Variants in CACNA1C observed in about 807,000 individuals in gnomAD.
The protein encoded by CACNA1C is calcium voltage-gated channel subunit alpha1 C.
A neutral mutation model predicts 229.0 loss-of-function variants in CACNA1C; 30 were observed. The ratio of observed to expected loss-of-function variants is 0.13; its 90% CI spans 0.10 to 0.18. CACNA1C has a LOEUF of 0.18. Ranked by LOEUF, CACNA1C falls within the 10% of genes least tolerant of loss-of-function variation. CACNA1C has a pLI of 1.00. For missense variants in CACNA1C, 1,658 were observed against 2,845.0 expected (o/e 0.58, Z 9.49); for synonymous variants, 1,114 against 1,132.5 (o/e 0.98, Z 0.33).
At chr12:2,071,967 A>C (rs149137637) in intron 1 of CACNA1C, among the ~76,000 whole-genome samples, 8 of 152,304 alleles carry the variant, frequency 5.3e-5, no homozygotes, top group African/African-American at 1.7e-4. Context: ...TCCACTAATA[A>C]TACTTTACTA....
intron 3 of CACNA1C, among the ~76,000 whole-genome samples, chr12:2,278,596 C>G (rs2154432183): frequency 6.6e-6 from 1 of 152,236 alleles, no homozygotes; most frequent in East Asian, 1.9e-4. Flanking sequence ...CTTTTTATTG[C>G]TTAGTTGTGT....
intron 9 of CACNA1C, among the ~76,000 whole-genome samples, chr12:2,529,476 C>G (rs1041400037): frequency 4.6e-5 from 7 of 152,166 alleles, no homozygotes; most frequent in African/African-American, 1.4e-4. Context: ...GGTGCATAGG[C>G]AATCAATGAA....
chr12:2,188,880 C>G (rs796729646), intron 3 of CACNA1C, among the ~76,000 whole-genome samples: 2 of 152,130 alleles, frequency 1.3e-5, no homozygotes, highest in African/African-American at 4.8e-5. Flanking sequence ...ATCACGAGGT[C>G]AGGAGATCAA....
chr12:2,509,429 A>G (rs2099778659), intron 8 of CACNA1C, among the ~76,000 whole-genome samples: 1 of 152,192 alleles, frequency 6.6e-6, no homozygotes, highest in Admixed American at 6.5e-5. Context: ...GTCCTGAGGA[A>G]CTACAGAGTT....
rs2097692519 is a variant in CACNA1C, at chr12:2,689,371, C to A, written c.6117+592C>A. 6.6e-6 allele frequency among the ~76,000 whole-genome samples: 1 copy of A among 151,954 alleles called. No homozygotes were observed. The highest frequency in any genetic ancestry group is 2.4e-5 in the African/African-American group (1 of 41,370). On this transcript the variant is annotated intron_variant, in intron 46 of 46. Coordinates refer to ENST00000399655, the MANE Select transcript of CACNA1C (RefSeq NM_000719.7). This position sits in a 1 kb window ranked among gnomAD's most constrained non-coding sequence, Gnocchi z 4.2. ...ATGGCAAGGTTCCTAGAAACCATTT[C>A]CTAGGAGAACCGTTTCAGGGAATTC...
intron 3 of CACNA1C, among the ~76,000 whole-genome samples, chr12:2,398,289 G>A (rs1436407046): frequency 6.6e-6 from 1 of 152,190 alleles, no homozygotes; most frequent in Non-Finnish European, 1.5e-5. Flanking sequence ...GAGCTACCAG[G>A]CCAAGAAAAT....
rs764170474 is a variant in CACNA1C at position 2,137,495 on chromosome 12, A to T, written c.477+17065A>T. On this transcript the variant is annotated intron_variant, in intron 3 of 46. Coordinates refer to ENST00000399655, the MANE Select transcript of CACNA1C (RefSeq NM_000719.7). Reference sequence around the variant, plus strand: ...TAGCTGCTTGGGAGGCTGAGACGGGAGGAGTGCTTCAACCCAGGAGTTCAA... The same window carrying T: ...TAGCTGCTTGGGAGGCTGAGACGGGTGGAGTGCTTCAACCCAGGAGTTCAA... 3.0e-4 allele frequency among the ~76,000 whole-genome samples: 46 copies of T among 151,080 alleles called. 1 individual carries two copies. The highest frequency in any genetic ancestry group is 6.8e-3 in the Middle Eastern group (2 of 294).
At chr12:2,625,652 C>T (rs1165692167) in intron 29 of CACNA1C, among the ~76,000 whole-genome samples, 1 of 152,100 alleles carries the variant, frequency 6.6e-6, no homozygotes, top group Non-Finnish European at 1.5e-5. Flanking sequence ...ATATCATTCT[C>T]ACAAAGCCCT....
At position 2,654,876 on chromosome 12, in the gene CACNA1C, C is replaced by T. The variant is rs576769367; in HGVS notation, c.4141-271C>T. 6.6e-6 allele frequency among the ~76,000 whole-genome samples: 1 copy of T among 152,316 alleles called. No homozygotes were observed. The highest frequency in any genetic ancestry group is 1.9e-4 in the East Asian group (1 of 5,166). ...GAAGCAGGATCCCGGTCCCAGCATCCACCGCTCTCAGCCCCAGCTCCCACT... is the reference window on the plus strand; with the variant it reads ...GAAGCAGGATCCCGGTCCCAGCATCTACCGCTCTCAGCCCCAGCTCCCACT... On this transcript the variant is annotated intron_variant, in intron 33 of 46. Coordinates refer to ENST00000399655, the MANE Select transcript of CACNA1C (RefSeq NM_000719.7). This position sits in a 1 kb window ranked among gnomAD's most constrained non-coding sequence, Gnocchi z 4.4.
intron 3 of CACNA1C, among the ~76,000 whole-genome samples, chr12:2,412,486 C>T (rs56144200): frequency 0.34 from 51,963 of 152,118 alleles, 9,273 homozygotes; most frequent in Admixed American, 0.47. Flanking sequence ...AGGAGCCCAG[C>T]AGTGAGACAG....
chr12:2,045,508 G>A (rs1242427826), intron 1 of CACNA1C, among the ~76,000 whole-genome samples: 4 of 152,202 alleles, frequency 2.6e-5, no homozygotes, highest in Admixed American at 2.6e-4. Flanking sequence ...ATAGCCGAGG[G>A]TGATTGACTG....
intron 3 of CACNA1C, among the ~76,000 whole-genome samples, chr12:2,329,589 C>T (rs866691594): frequency 6.6e-6 from 1 of 152,210 alleles, no homozygotes; most frequent in Non-Finnish European, 1.5e-5. Flanking sequence ...CTCTTCCAGT[C>T]TACCCCCCAA....
Position 2,215,524 on chromosome 12 carries a change from C to T in CACNA1C, c.477+95094C>T, listed in dbSNP as rs1217039630. 6.6e-6 allele frequency among the ~76,000 whole-genome samples: 1 copy of T among 152,202 alleles called. No individual in the cohort carries two copies. Among genetic ancestry groups the T allele is most frequent in the African/African-American group, 2.4e-5 (1 of 41,452 alleles). On this transcript the variant is annotated intron_variant, in intron 3 of 46. Transcript: ENST00000399655. The surrounding 1 kb of genome is among the most constrained non-coding windows in gnomAD (Gnocchi z 5.0). ...TCCTCCAGCTCATGCTCTGTCTTTC[C>T]TCAGAGCTCCTACCACAGTCCCTGT...
At position 2,682,571 on chromosome 12, in the gene CACNA1C, G is replaced by A; in HGVS notation, c.5466G>A (p.Gln1822=). Residue 1822 remains glutamine, a synonymous_variant, in exon 43 of 47, where the codon CAG becomes CAA. Coordinates refer to ENST00000399655, the MANE Select transcript of CACNA1C (RefSeq NM_000719.7). ...SSNRCHSRES[Q]AAMAGQEETS... ...GTAGGTGCCACTCCCGGGAGAGCCAGGCAGCCATGGCGGGTCAGGAGGAGA... is the reference window on the plus strand; with the variant it reads ...GTAGGTGCCACTCCCGGGAGAGCCAAGCAGCCATGGCGGGTCAGGAGGAGA... 1.9e-6 allele frequency: 3 copies of A among 1,612,804 alleles called. No individual in the cohort carries two copies. The highest frequency in any genetic ancestry group is 2.5e-6 in the Non-Finnish European group (3 of 1,179,556).
intron 3 of CACNA1C, among the ~76,000 whole-genome samples, chr12:2,330,324 C>T (rs1279373704): frequency 6.6e-6 from 1 of 152,156 alleles, no homozygotes; most frequent in Non-Finnish European, 1.5e-5. Context: ...AGGATCACCT[C>T]ATATTGCTAA....
At chr12:2,472,215 C>T (rs2154568000) in intron 5 of CACNA1C, among the ~76,000 whole-genome samples, 1 of 152,288 alleles carries the variant, frequency 6.6e-6, no homozygotes. Context: ...ACTCCATTCT[C>T]ACTCTTCTCT....
chr12:2,021,076 C>T (rs1211158250), intron 1 of CACNA1C, among the ~76,000 whole-genome samples: 2 of 152,200 alleles, frequency 1.3e-5, no homozygotes, highest in Non-Finnish European at 2.9e-5. Flanking sequence ...ATACTGCGTT[C>T]ACAAATGCTT....
At chr12:2,588,593 A>G (rs1265981897) in intron 18 of CACNA1C, among the ~76,000 whole-genome samples, 2 of 152,162 alleles carry the variant, frequency 1.3e-5, no homozygotes, top group Non-Finnish European at 2.9e-5. Flanking sequence ...TACTCAGAGG[A>G]GGGGCCTGTT....
chr12:2,227,658 A>G (rs1044774204), intron 3 of CACNA1C, among the ~76,000 whole-genome samples: 1 of 151,946 alleles, frequency 6.6e-6, no homozygotes, highest in Non-Finnish European at 1.5e-5. Context: ...ATCAGTTATC[A>G]CTCCTACTTG....
Sources: allele counts gnomAD v4.1 joint callset (sites outside exome capture counted in the v4.1 genomes callset), GRCh38; gene constraint gnomAD v4.1.1; non-coding constraint Gnocchi (gnomAD v3.1); transcripts MANE v1.5; gene names NCBI Gene and HGNC (gene_info 2026-07-23, HGNC 2026-07-21).